Variants in EXT2 observed in about 807,000 individuals in gnomAD.
The protein encoded by EXT2 is exostosin-2.
In EXT2, 53 loss-of-function variants were observed where a neutral mutation model predicts 81.6. The observed-to-expected ratio is 0.65, with a 90% confidence interval of 0.52 to 0.82. The LOEUF (loss-of-function observed/expected upper bound fraction) is 0.82, where lower values mean the gene tolerates loss of function less well. Ranked by LOEUF, EXT2 falls within the 40% of genes least tolerant of loss-of-function variation. The pLI, the probability that EXT2 is intolerant of heterozygous loss-of-function variation, is 0.00. For missense variants in EXT2, 774 were observed against 910.2 expected, an observed-to-expected ratio of 0.85 and a Z score of 1.93; for synonymous variants, 320 against 340.0, an observed-to-expected ratio of 0.94 and a Z score of 0.65.
intron 4 of EXT2, among the ~76,000 whole-genome samples, chr11:44,114,962 G>A (rs891983566): frequency 5.9e-5 from 9 of 152,048 alleles, no homozygotes; most frequent in East Asian, 1.9e-4. Context: ...CTTCTTCCTC[G>A]TCTTCATTAG....
At position 44,130,150 on chromosome 11, in the gene EXT2, A is replaced by C. The variant is rs745460321; in HGVS notation, c.1173+12A>C. ...AAATGCAGAGACAGGTAAGAGGCCAAGTCTTGGGGAGGTGACATGGGTGGT... is the reference window on the plus strand; with the variant it reads ...AAATGCAGAGACAGGTAAGAGGCCACGTCTTGGGGAGGTGACATGGGTGGT... On this transcript the variant is annotated intron_variant, in intron 7 of 13. Coordinates refer to ENST00000533608, the MANE Select transcript of EXT2 (RefSeq NM_207122.2). The C allele has an allele frequency of 5.0e-6, 8 of 1,608,660 alleles. No individual in the cohort carries two copies. In the South Asian group the frequency reaches 8.8e-5, roughly 18 times the overall value.
chr11:44,207,041 AT>A lies in EXT2; in HGVS notation c.1662+85del. 3.4e-6 allele frequency: 5 copies of A among 1,470,722 alleles called. No individual in the cohort carries two copies. The South Asian group carries it at 5.8e-5, about 17-fold the overall frequency. 91.1% of individuals were successfully genotyped at this position (1,470,722 alleles called of 1,614,324 possible). A position where few individuals can be genotyped will look rare whatever the true frequency, so the allele number is the denominator to read the frequency against. ...TGTCTTTTCTAAAAAAGAGTATTAT[AT>A]TTCCTTCTTAAAAGTCAGAGTTTCT... On this transcript the variant is annotated intron_variant, in intron 10 of 13. Coordinates refer to ENST00000533608, the MANE Select transcript of EXT2 (RefSeq NM_207122.2).
Position 44,108,070 on chromosome 11 carries a change from G to A in EXT2, c.358G>A (p.Val120Ile), listed in dbSNP as rs115948531. 236 of 1,614,142 alleles carry A rather than the reference G, an allele frequency of 1.5e-4. 1 individual carries two copies. In the African/African-American group the frequency reaches 1.8e-3, roughly 12 times the overall value. ...ALKKYVDDFG[V>I]SVSNTISREY... ...GAAAAAGTACGTGGATGACTTTGGC[G>A]TCTCTGTCAGCAACACCATCTCCCG... is the stretch of plus-strand genomic sequence containing the variant. Residue 120 changes from valine (V) to isoleucine (I), a missense_variant, in exon 2 of 14, where the codon GTC (valine) becomes ATC (isoleucine). Physicochemically the swap from Val to Ile is conservative, Grantham distance 29. This residue lies in a region of EXT2 where 626 missense variants were observed against 670.5 expected (regional missense o/e 0.93). Coordinates refer to ENST00000533608, the MANE Select transcript of EXT2 (RefSeq NM_207122.2).
intron 12 of EXT2, 82 bp from the exon 13 acceptor site, chr11:44,236,211 A>T: frequency 1.6e-6 from 2 of 1,220,040 alleles, no homozygotes; most frequent in Non-Finnish European, 2.4e-6. Flanking sequence ...TACAACACAA[A>T]AGAATGCAGT....
In EXT2 at chr11:44,247,543, C is replaced by T. The variant is rs1273980787; in HGVS notation, c.*3256C>T. Among the ~76,000 whole-genome samples, 3 of 152,244 alleles carry T rather than the reference C, an allele frequency of 2.0e-5. No homozygotes were observed. The highest frequency in any genetic ancestry group is 2.4e-5 in the African/African-American group (1 of 41,458). ...CTGGGATTACGGGCGTGAGTCCCCA[C>T]GCTCAGCCACTGTATCCTTTACTCA... On this transcript the variant is annotated 3_prime_UTR_variant, in exon 14 of 14. Transcript: ENST00000533608.
At chr11:44,197,789 C>A in intron 8 of EXT2, 40 bp from the exon 9 acceptor site, 3 of 1,605,694 alleles carry the variant, frequency 1.9e-6, no homozygotes, top group Non-Finnish European at 2.6e-6. Flanking sequence ...CATATTGTTA[C>A]AGCTGCTTTT....
intron 1 of EXT2, among the ~76,000 whole-genome samples, chr11:44,102,030 C>T (rs1351710297): frequency 1.3e-5 from 2 of 152,002 alleles, no homozygotes; most frequent in Non-Finnish European, 2.9e-5. Context: ...CTATCTCTCC[C>T]CTTGTGTTCA....
chr11:44,210,405 A>G (rs955655682), intron 10 of EXT2, among the ~76,000 whole-genome samples: 2 of 152,254 alleles, frequency 1.3e-5, no homozygotes, highest in African/African-American at 4.8e-5. Flanking sequence ...AAAAGAGAAC[A>G]TACTTTATGA....
intron 8 of EXT2, among the ~76,000 whole-genome samples, chr11:44,180,118 C>G (rs1159033986): frequency 6.6e-6 from 1 of 152,138 alleles, no homozygotes; most frequent in Non-Finnish European, 1.5e-5. Context: ...AAAATTAGGG[C>G]CTGTTTTCAA....
Position 44,231,926 on chromosome 11 carries a change from A to T in EXT2, c.1663-427A>T, listed in dbSNP as rs182294593. 4.9e-3 allele frequency among the ~76,000 whole-genome samples: 752 copies of T among 152,234 alleles called. 7 individuals carry two copies. The highest frequency in any genetic ancestry group is 0.043 in the East Asian group (222 of 5,170). ...TCAAGAGAAATAGATGCTTTTTTTT[A>T]ATAAGAAATGGGACTTTATCATAAG... On this transcript the variant is annotated intron_variant, in intron 10 of 13. Coordinates refer to ENST00000533608, the MANE Select transcript of EXT2 (RefSeq NM_207122.2).
chr11:44,183,894 A>G (rs1011672629), intron 8 of EXT2, among the ~76,000 whole-genome samples: 1 of 151,886 alleles, frequency 6.6e-6, no homozygotes, highest in African/African-American at 2.4e-5. Flanking sequence ...TTCTTCATCC[A>G]ATTTTCTGAA....
At chr11:44,120,424 C>T (rs571893854) in intron 4 of EXT2, among the ~76,000 whole-genome samples, 42 of 152,306 alleles carry the variant, frequency 2.8e-4, no homozygotes, top group Non-Finnish European at 3.5e-4. Flanking sequence ...CTGTCCATTT[C>T]GGTGCCAGCT....
intron 7 of EXT2, among the ~76,000 whole-genome samples, chr11:44,165,137 C>T (rs1301655074): frequency 2.0e-5 from 3 of 152,164 alleles, no homozygotes; most frequent in African/African-American, 7.2e-5. Context: ...CTCGGCCTCC[C>T]AAAGTGCTGG....
At chr11:44,126,163 C>G (rs1418109766) in intron 5 of EXT2, among the ~76,000 whole-genome samples, 3 of 152,180 alleles carry the variant, frequency 2.0e-5, no homozygotes, top group Non-Finnish European at 2.9e-5. Context: ...GTACATCTCT[C>G]CTTTTCCCAA....
At chr11:44,109,751 C>G (rs1028827510) in intron 3 of EXT2, among the ~76,000 whole-genome samples, 5 of 152,296 alleles carry the variant, frequency 3.3e-5, no homozygotes, top group Middle Eastern at 3.4e-3. Flanking sequence ...GTTCCTCCCT[C>G]CCTCCCTGCC....
At chr11:44,127,648 C>T (rs1159743616) in intron 6 of EXT2, among the ~76,000 whole-genome samples, 1 of 152,214 alleles carries the variant, frequency 6.6e-6, no homozygotes, top group African/African-American at 2.4e-5. Flanking sequence ...TGGTTACCAA[C>T]CTCTAGCCTA....
chr11:44,229,629 T>C (rs1037367245), intron 10 of EXT2, among the ~76,000 whole-genome samples: 2 of 152,224 alleles, frequency 1.3e-5, no homozygotes, highest in Non-Finnish European at 2.9e-5. Context: ...TACCTGCTTC[T>C]GGAAAAACAA....
intron 4 of EXT2, among the ~76,000 whole-genome samples, chr11:44,121,979 G>A (rs916944695): frequency 7.2e-5 from 11 of 151,920 alleles, no homozygotes; most frequent in African/African-American, 2.4e-4. Context: ...TTCCCCACCC[G>A]ACCATGCAGA....
At chr11:44,142,181 T>C (rs1388509168) in intron 7 of EXT2, among the ~76,000 whole-genome samples, 1 of 152,214 alleles carries the variant, frequency 6.6e-6, no homozygotes, top group Non-Finnish European at 1.5e-5. Context: ...TACTATATAC[T>C]TACATATATT....
Sources: allele counts gnomAD v4.1 joint callset (sites outside exome capture counted in the v4.1 genomes callset), GRCh38; gene constraint gnomAD v4.1.1; regional missense constraint gnomAD v4.1.1; transcripts MANE v1.5; gene names NCBI Gene and HGNC (gene_info 2026-07-23, HGNC 2026-07-21).